The following SNX29 variants were observed in gnomAD, a reference collection of about 807,000 sequenced individuals.
The protein encoded by SNX29 is sorting nexin-29.
A neutral mutation model predicts 102.1 loss-of-function variants in SNX29; 78 were observed. That is an observed-to-expected ratio of 0.76 (90% confidence interval 0.64 to 0.92). The LOEUF (loss-of-function observed/expected upper bound fraction) is 0.92. Among genes scored for constraint, SNX29 ranks in the 40% least tolerant of loss-of-function variants. SNX29 has a pLI of 0.00. For missense variants in SNX29, 1,280 were observed against 1,061.7 expected, an observed-to-expected ratio of 1.21 and a Z score of -2.86; for synonymous variants, 580 against 414.5, an observed-to-expected ratio of 1.40 and a Z score of -4.85.
intron 14 of SNX29, among the ~76,000 whole-genome samples, chr16:12,259,060 C>G (rs2078656963): frequency 6.6e-6 from 1 of 152,182 alleles, no homozygotes; most frequent in Non-Finnish European, 1.5e-5. Context: ...ATTCCCCCTC[C>G]TCTCTCTCCT....
At chr16:12,261,768 G>A (rs533783272) in intron 14 of SNX29, among the ~76,000 whole-genome samples, 1 of 130,804 alleles carries the variant, frequency 7.6e-6, no homozygotes, top group East Asian at 2.5e-4. Flanking sequence ...GTGCGTCCCC[G>A]GCTGGAGTGA....
rs913622138 is a variant in SNX29 at position 12,570,654 on chromosome 16, C to G, written c.*2025C>G. 4.3e-6 allele frequency: 1 copy of G among 231,910 alleles called. No individual in the cohort carries two copies. The highest frequency in any genetic ancestry group is 2.2e-5 in the African/African-American group (1 of 45,244). The allele number at this position is 231,910 out of a possible 1,614,324, so 14.4% of individuals were successfully genotyped here. A position where few individuals can be genotyped will look rare whatever the true frequency, so the allele number is the denominator to read the frequency against. ...GGAACCTCCCCCATCTGTGACATTC[C>G]CTTGGGCCCAGGCTTATGACCTGCA... is the stretch of plus-strand genomic sequence containing the variant. On this transcript the variant is annotated 3_prime_UTR_variant, in exon 21 of 21. Transcript: ENST00000566228.
rs537815746 is a variant in SNX29 at position 12,380,126 on chromosome 16, G to C, written c.1900-18320G>C. 7.1e-5 allele frequency among the ~76,000 whole-genome samples: 10 copies of C among 141,816 alleles called. No homozygotes were observed. In the East Asian group the frequency reaches 1.9e-3, roughly 28 times the overall value. The allele number at this position is 141,816 out of a possible 152,430, so 93.0% of individuals were successfully genotyped here. ...ATGGAATTATCTGGAAGCTGCACCA[G>C]CACATGAGACCCCAGGAAGAGTCCT... On this transcript the variant is annotated intron_variant, in intron 16 of 20. Coordinates refer to ENST00000566228, the MANE Select transcript of SNX29 (RefSeq NM_032167.5).
chr16:12,442,279 A>T (rs764580218), intron 18 of SNX29, among the ~76,000 whole-genome samples: 2 of 152,170 alleles, frequency 1.3e-5, no homozygotes, highest in East Asian at 1.9e-4. Context: ...TTGCATCTCT[A>T]TGCCTGTCCT....
intron 14 of SNX29, among the ~76,000 whole-genome samples, chr16:12,264,245 A>G (rs2078861086): frequency 6.6e-6 from 1 of 152,162 alleles, no homozygotes; most frequent in South Asian, 2.1e-4. Flanking sequence ...GCTGCCCCAT[A>G]TCTAACTGCC....
chr16:12,330,748 A>C (rs2081270542), intron 15 of SNX29, among the ~76,000 whole-genome samples: 1 of 152,154 alleles, frequency 6.6e-6, no homozygotes, highest in African/African-American at 2.4e-5. Context: ...TGCTCCCAGA[A>C]AATCACTTCA....
chr16:12,204,461 G>C (rs149995617), intron 14 of SNX29, among the ~76,000 whole-genome samples: 2 of 152,136 alleles, frequency 1.3e-5, no homozygotes, highest in East Asian at 3.9e-4. Flanking sequence ...CTTACTGGAT[G>C]CTCCACTGTC....
At chr16:12,540,586 A>G (rs542967084) in intron 20 of SNX29, among the ~76,000 whole-genome samples, 35 of 152,148 alleles carry the variant, frequency 2.3e-4, no homozygotes, top group African/African-American at 8.4e-4. Context: ...CCCAGCAATT[A>G]CTCTGGGACC....
chr16:12,572,521 A>T lies in SNX29; in HGVS notation c.*3892A>T. The T allele has an allele frequency of 9.4e-7, 1 of 1,064,116 alleles. No homozygotes were observed. Among genetic ancestry groups the T allele is most frequent in the Non-Finnish European group, 1.1e-6 (1 of 878,508 alleles). 65.9% of individuals were successfully genotyped at this position (1,064,116 alleles called of 1,614,324 possible). On this transcript the variant is annotated 3_prime_UTR_variant, in exon 21 of 21. Coordinates refer to ENST00000566228, the MANE Select transcript of SNX29 (RefSeq NM_032167.5). Reference sequence around the variant, plus strand: ...CTCGGCCTTCCTGCTCCACGTGCTCAAGCCCCCACAGGGGGCTGCGACACC... The same window carrying T: ...CTCGGCCTTCCTGCTCCACGTGCTCTAGCCCCCACAGGGGGCTGCGACACC...
intron 15 of SNX29, among the ~76,000 whole-genome samples, chr16:12,335,511 C>T (rs550356919): frequency 3.9e-5 from 6 of 152,178 alleles, no homozygotes; most frequent in African/African-American, 1.4e-4. Flanking sequence ...CCCATCTCTA[C>T]AAAACATTAA....
intron 14 of SNX29, among the ~76,000 whole-genome samples, chr16:12,218,312 C>T (rs1216936921): frequency 1.4e-5 from 2 of 146,926 alleles, no homozygotes; most frequent in Admixed American, 6.7e-5. Context: ...GAGGTAATCA[C>T]ACAAATCTAC....
intron 20 of SNX29, among the ~76,000 whole-genome samples, chr16:12,545,095 CAGGCTGCAG>C: frequency 6.6e-6 from 1 of 152,242 alleles, no homozygotes; most frequent in Non-Finnish European, 1.5e-5. Context: ...CCATCAGACC[CAGGCTGCAG>C]TAGCCAGCTC....
chr16:12,525,819 C>T (rs996420281), intron 20 of SNX29, among the ~76,000 whole-genome samples: 5 of 151,800 alleles, frequency 3.3e-5, no homozygotes, highest in Admixed American at 6.6e-5. Context: ...GACTTCTTTT[C>T]GCCTGCCACA....
intron 3 of SNX29, among the ~76,000 whole-genome samples, chr16:12,017,891 TG>T (rs918785803): frequency 2.0e-5 from 3 of 151,914 alleles, no homozygotes; most frequent in Middle Eastern, 3.4e-3. Flanking sequence ...TTTTTTTGGG[TG>T]GGGGGGCTTT....
intron 16 of SNX29, 70 bp downstream of exon 16, chr16:12,356,349 G>A: frequency 4.3e-6 from 6 of 1,398,106 alleles, no homozygotes; most frequent in Non-Finnish European, 4.9e-6. Flanking sequence ...AAAGCACAGA[G>A]ACTCACAGAG....
intron 15 of SNX29, among the ~76,000 whole-genome samples, chr16:12,333,196 A>G (rs561902947): frequency 2.7e-5 from 4 of 147,642 alleles, no homozygotes; most frequent in African/African-American, 7.5e-5. Flanking sequence ...ACTTCCGCCT[A>G]CCAAGTTCAA....
intron 13 of SNX29, among the ~76,000 whole-genome samples, chr16:12,194,737 G>A (rs1211928715): frequency 1.3e-5 from 2 of 148,292 alleles, no homozygotes; most frequent in Non-Finnish European, 1.5e-5. Context: ...AGCAATTCTT[G>A]TGTCTCAGCC....
chr16:12,461,565 C>T (rs1001297820), intron 18 of SNX29, among the ~76,000 whole-genome samples: 1 of 152,060 alleles, frequency 6.6e-6, no homozygotes, highest in African/African-American at 2.4e-5. Context: ...TGAAAAGTAA[C>T]CTCCCATCCG....
intron 16 of SNX29, chr16:12,375,718 G>A (rs1041246451): frequency 2.6e-5 from 4 of 152,228 alleles, no homozygotes; most frequent in African/African-American, 9.7e-5. Flanking sequence ...GAATCAGGGT[G>A]TTTTGTAGTC....
Sources: allele counts gnomAD v4.1 joint callset (sites outside exome capture counted in the v4.1 genomes callset), GRCh38; gene constraint gnomAD v4.1.1; transcripts MANE v1.5; gene names NCBI Gene and HGNC (gene_info 2026-07-23, HGNC 2026-07-21).